The following SEMA3C variants were observed in gnomAD, a reference collection of about 807,000 sequenced individuals.
SEMA3C encodes semaphorin 3C.
SEMA3C carries 47 observed loss-of-function variants against 89.4 expected under a neutral mutation model. The ratio of observed to expected loss-of-function variants is 0.53; its 90% CI spans 0.42 to 0.67. The LOEUF is 0.67. SEMA3C is among the 30% of genes least tolerant of loss of function. The probability of loss-of-function intolerance (pLI) is 0.00; values close to 1 mark genes in which losing one functional copy is unlikely to be tolerated. For missense variants in SEMA3C, 839 were observed against 929.1 expected (o/e 0.90, Z 1.26); for synonymous variants, 310 against 320.2 (o/e 0.97, Z 0.34).
intron 15 of SEMA3C, among the ~76,000 whole-genome samples, chr7:80,752,628 A>AG (rs1787963242): frequency 6.6e-6 from 1 of 151,788 alleles, no homozygotes; most frequent in African/African-American, 2.4e-5. Context: ...AAAAAAAAAA[A>AG]AAAAATACAA....
intron 2 of SEMA3C, among the ~76,000 whole-genome samples, chr7:80,870,399 C>T (rs890971609): frequency 1.3e-5 from 2 of 152,174 alleles, no homozygotes; most frequent in East Asian, 3.8e-4. Context: ...TTATCTAAAG[C>T]AAGATTTTGC....
chr7:80,895,960 T>A, intron 2 of SEMA3C, among the ~76,000 whole-genome samples: 1 of 152,088 alleles, frequency 6.6e-6, no homozygotes, highest in Admixed American at 6.6e-5. Flanking sequence ...CTCCTTAATT[T>A]GTTTCACAAT....
At chr7:80,898,727 A>T (rs1650278538) in intron 2 of SEMA3C, among the ~76,000 whole-genome samples, 1 of 152,070 alleles carries the variant, frequency 6.6e-6, no homozygotes, top group Non-Finnish European at 1.5e-5. Flanking sequence ...GTTTTCACTG[A>T]AATTACAGAA....
At chr7:80,875,844 G>A (rs1170732608) in intron 2 of SEMA3C, among the ~76,000 whole-genome samples, 1 of 151,648 alleles carries the variant, frequency 6.6e-6, no homozygotes, top group African/African-American at 2.4e-5. Context: ...ACGTGAAAAG[G>A]TGAAACTTCA....
chr7:80,863,215 A>T (rs1182711737), intron 2 of SEMA3C, among the ~76,000 whole-genome samples: 1 of 150,470 alleles, frequency 6.6e-6, no homozygotes, highest in African/African-American at 2.5e-5. Flanking sequence ...CTGGTGACAG[A>T]GCGAGACTCC....
chr7:80,756,120 C>T (rs1433138607), intron 15 of SEMA3C, among the ~76,000 whole-genome samples: 1 of 152,198 alleles, frequency 6.6e-6, no homozygotes, highest in Non-Finnish European at 1.5e-5. Flanking sequence ...CGTGTGTGAA[C>T]ATCTTATAGA....
chr7:80,846,708 G>A (rs1178125745), intron 2 of SEMA3C, among the ~76,000 whole-genome samples: 2 of 152,132 alleles, frequency 1.3e-5, no homozygotes, highest in Admixed American at 6.6e-5. Flanking sequence ...GAGAAATGAC[G>A]AAAATGGCTC....
chr7:80,873,188 A>G (rs943209241), intron 2 of SEMA3C, among the ~76,000 whole-genome samples: 1 of 152,172 alleles, frequency 6.6e-6, no homozygotes, highest in Non-Finnish European at 1.5e-5. Flanking sequence ...CACCAGCTGG[A>G]AAAATGGAGA....
At chr7:80,911,036 T>A (rs1792135362) in intron 2 of SEMA3C, among the ~76,000 whole-genome samples, 1 of 152,236 alleles carries the variant, frequency 6.6e-6, no homozygotes, top group African/African-American at 2.4e-5. Flanking sequence ...AAAATAAACA[T>A]GTTCCAGAGA....
chr7:80,762,303 A>G (rs1235924251), intron 13 of SEMA3C, among the ~76,000 whole-genome samples: 1 of 152,082 alleles, frequency 6.6e-6, no homozygotes. Context: ...ATAAGACACT[A>G]TTGTTCACCT....
intron 2 of SEMA3C, among the ~76,000 whole-genome samples, chr7:80,863,818 T>TGTG (rs1280810748): frequency 1.7e-5 from 2 of 117,356 alleles, no homozygotes; most frequent in East Asian, 5.6e-4. Flanking sequence ...GTGATACATA[T>TGTG]ATATGTGATA....
At chr7:80,889,852 G>A (rs1171643749) in intron 2 of SEMA3C, among the ~76,000 whole-genome samples, 4 of 152,122 alleles carry the variant, frequency 2.6e-5, no homozygotes, top group Non-Finnish European at 5.9e-5. Context: ...ACTAAGTCAA[G>A]TCAGGCAGAT....
chr7:80,918,013 G>A (rs907455940), intron 1 of SEMA3C, among the ~76,000 whole-genome samples: 4 of 152,134 alleles, frequency 2.6e-5, no homozygotes, highest in Non-Finnish European at 5.9e-5. Flanking sequence ...GAAATTGTAC[G>A]CTTCTTTTAC....
At chr7:80,865,723 A>AG (rs1052995680) in intron 2 of SEMA3C, among the ~76,000 whole-genome samples, 1 of 152,026 alleles carries the variant, frequency 6.6e-6, no homozygotes, top group African/African-American at 2.4e-5. Flanking sequence ...TGAACCCGGG[A>AG]GGGGGGGTTA....
At chr7:80,806,509 T>G (rs533442745) in intron 6 of SEMA3C, among the ~76,000 whole-genome samples, 1 of 152,112 alleles carries the variant, frequency 6.6e-6, no homozygotes, top group African/African-American at 2.4e-5. Flanking sequence ...GCCATAAAAA[T>G]AGAATACGAT....
chr7:80,802,538 T>C (rs754609649), intron 9 of SEMA3C, 127 bp downstream of exon 9: 16 of 583,868 alleles, frequency 2.7e-5, no homozygotes, highest in Non-Finnish European at 4.4e-5. Flanking sequence ...TCTAGATAAT[T>C]ATTTTAAATT....
At chr7:80,813,874 T>C in intron 5 of SEMA3C, among the ~76,000 whole-genome samples, 1 of 152,302 alleles carries the variant, frequency 6.6e-6, no homozygotes, top group Admixed American at 6.5e-5. Flanking sequence ...TAACGTCAAT[T>C]ATTGCATTGA....
chr7:80,922,171 A>T, upstream of SEMA3C: 1 of 1,047,712 alleles, frequency 9.5e-7, no homozygotes, highest in Non-Finnish European at 1.3e-6. Flanking sequence ...GCCCAAAGTC[A>T]AATGGGTAGT....
chr7:80,748,305 C>G, intron 17 of SEMA3C, among the ~76,000 whole-genome samples: 1 of 152,092 alleles, frequency 6.6e-6, no homozygotes, highest in East Asian at 1.9e-4. Context: ...TTCTAATCCA[C>G]GAAAAGTTTC....
Sources: gnomAD v4.1 joint callset for allele counts (sites outside exome capture counted in the v4.1 genomes callset) on GRCh38, gnomAD v4.1.1 for gene constraint, MANE v1.5 for transcripts, NCBI Gene and HGNC (gene_info 2026-07-23, HGNC 2026-07-21) for gene names.